AUTS2: variants seen among roughly 807,000 people sequenced by gnomAD.
AUTS2 encodes the protein autism susceptibility gene 2 protein.
AUTS2 carries 17 observed loss-of-function variants against 112.4 expected under a neutral mutation model. The observed-to-expected ratio is 0.15, with a 90% CI of 0.10 to 0.23. The LOEUF is 0.23. Among genes scored for constraint, AUTS2 ranks in the 10% least tolerant of loss-of-function variants. The pLI is 1.00. For missense variants in AUTS2, 1,510 were observed against 1,701.6 expected (o/e 0.89, Z 1.98); for synonymous variants, 751 against 702.7 (o/e 1.07, Z -1.09).
intron 4 of AUTS2, among the ~76,000 whole-genome samples, chr7:70,185,349 C>G (rs1481364515): frequency 6.8e-6 from 1 of 147,002 alleles, no homozygotes; most frequent in African/African-American, 2.5e-5. Flanking sequence ...TCAAGTGATC[C>G]TCCTACCTTG....
intron 4 of AUTS2, among the ~76,000 whole-genome samples, chr7:70,246,223 T>C (rs528135421): frequency 4.8e-4 from 73 of 152,244 alleles, no homozygotes; most frequent in Admixed American, 8.5e-4. Context: ...TTTATCAAAC[T>C]TTTCCTGTAT....
chr7:70,614,682 G>A (rs1169707238), intron 5 of AUTS2, among the ~76,000 whole-genome samples: 3 of 152,178 alleles, frequency 2.0e-5, no homozygotes, highest in African/African-American at 2.4e-5. Flanking sequence ...TGGGTCTGGC[G>A]CATCAGGGCC....
chr7:70,606,337 TAATA>T (rs146910301), intron 5 of AUTS2, among the ~76,000 whole-genome samples: 42 of 151,984 alleles, frequency 2.8e-4, no homozygotes, highest in Non-Finnish European at 5.1e-4. Flanking sequence ...TCTTAAAAGT[TAATA>T]TTTGTATTTA....
intron 1 of AUTS2, among the ~76,000 whole-genome samples, chr7:69,868,902 A>C (rs1410841975): frequency 6.6e-6 from 1 of 152,182 alleles, no homozygotes; most frequent in Non-Finnish European, 1.5e-5. Context: ...GCTAGCTTGG[A>C]AGATGAAGAG....
chr7:70,346,955 A>T (rs1165414118), intron 4 of AUTS2, among the ~76,000 whole-genome samples: 1 of 152,176 alleles, frequency 6.6e-6, no homozygotes, highest in Non-Finnish European at 1.5e-5. Context: ...TACATGAAGC[A>T]GTCTCCTTTC....
intron 5 of AUTS2, among the ~76,000 whole-genome samples, chr7:70,548,971 T>C (rs1255245472): frequency 1.3e-5 from 2 of 149,338 alleles, no homozygotes; most frequent in East Asian, 2.0e-4. Flanking sequence ...TCATAGGGAT[T>C]ACATTTAACC....
At chr7:69,981,393 T>C (rs1461019409) in intron 2 of AUTS2, among the ~76,000 whole-genome samples, 3 of 152,252 alleles carry the variant, frequency 2.0e-5, no homozygotes, top group African/African-American at 7.2e-5. Context: ...AGGTAGGATG[T>C]ATGTCATTTT....
chr7:70,218,055 A>G (rs1397485480), intron 4 of AUTS2, among the ~76,000 whole-genome samples: 1 of 152,228 alleles, frequency 6.6e-6, no homozygotes, highest in Non-Finnish European at 1.5e-5. Context: ...ATGCAGCAAG[A>G]TGGTCTGCAG....
intron 2 of AUTS2, among the ~76,000 whole-genome samples, chr7:70,101,463 G>T (rs916978455): frequency 6.6e-6 from 1 of 151,992 alleles, no homozygotes; most frequent in Non-Finnish European, 1.5e-5. Flanking sequence ...GGGAGGCTGA[G>T]GTGGGCAGAT....
intron 5 of AUTS2, among the ~76,000 whole-genome samples, chr7:70,630,031 C>T (rs1189055342): frequency 6.6e-6 from 1 of 152,150 alleles, no homozygotes; most frequent in Non-Finnish European, 1.5e-5. Flanking sequence ...TTCATCTTTC[C>T]ATTCCTGCCC....
chr7:69,689,682 T>G (rs1797238843), intron 1 of AUTS2, among the ~76,000 whole-genome samples: 1 of 87,868 alleles, frequency 1.1e-5, no homozygotes, highest in Admixed American at 1.2e-4. Context: ...ATTTATTTAT[T>G]TATTTATTTA....
At chr7:69,662,644 A>C (rs1795855994) in intron 1 of AUTS2, among the ~76,000 whole-genome samples, 1 of 152,172 alleles carries the variant, frequency 6.6e-6, no homozygotes. Flanking sequence ...GTATATTGAA[A>C]GCACCACTCA....
chr7:70,649,260 C>A (rs989896671), intron 5 of AUTS2, among the ~76,000 whole-genome samples: 1 of 152,124 alleles, frequency 6.6e-6, no homozygotes, highest in African/African-American at 2.4e-5. Context: ...CATCACGAAA[C>A]CCCATGGAGC....
chr7:70,506,628 G>C (rs988003268), intron 5 of AUTS2, among the ~76,000 whole-genome samples: 2 of 152,134 alleles, frequency 1.3e-5, no homozygotes, highest in Non-Finnish European at 2.9e-5. Context: ...CACGTGCTCC[G>C]CGCCCAGCGT....
intron 5 of AUTS2, among the ~76,000 whole-genome samples, chr7:70,482,237 C>G (rs527765598): frequency 6.6e-6 from 1 of 152,122 alleles, no homozygotes; most frequent in African/African-American, 2.4e-5. Context: ...GGATTTACTG[C>G]GACCATTTGT....
intron 5 of AUTS2, among the ~76,000 whole-genome samples, chr7:70,612,678 T>C (rs185252300): frequency 1.3e-5 from 2 of 152,224 alleles, no homozygotes; most frequent in African/African-American, 2.4e-5. Context: ...AATACCAAGT[T>C]TGGCAATGTA....
At position 70,707,928 on chromosome 7, in the gene AUTS2, C is replaced by T. The variant is rs181035379; in HGVS notation, c.742+9308C>T. ...AATCTGTGCTGTTAACAGGGAATGG[C>T]GTTCTGTGGGCTCCGATCTGCGTCT... On this transcript the variant is annotated intron_variant, in intron 6 of 18. Transcript: ENST00000342771. Among the ~76,000 whole-genome samples, 134 of 152,236 alleles carry T rather than the reference C, an allele frequency of 8.8e-4. 3 individuals are homozygous for T. In the South Asian group the frequency reaches 0.018, roughly 21 times the overall value.
chr7:69,999,059 T>G (rs1252171244), intron 2 of AUTS2, among the ~76,000 whole-genome samples: 1 of 152,208 alleles, frequency 6.6e-6, no homozygotes, highest in Non-Finnish European at 1.5e-5. Context: ...AGAAGTTTTC[T>G]CTGCAATATG....
At chr7:70,263,117 C>G (rs1787248995) in intron 4 of AUTS2, among the ~76,000 whole-genome samples, 1 of 151,624 alleles carries the variant, frequency 6.6e-6, no homozygotes, top group Non-Finnish European at 1.5e-5. Flanking sequence ...TATATTCTTC[C>G]AATAGTTGTG....
Sources: gnomAD v4.1 joint callset for allele counts (sites outside exome capture counted in the v4.1 genomes callset) on GRCh38, gnomAD v4.1.1 for gene constraint, MANE v1.5 for transcripts, NCBI Gene and HGNC (gene_info 2026-07-23, HGNC 2026-07-21) for gene names.